Variants in SCN9A observed in about 807,000 individuals in gnomAD.
The protein encoded by SCN9A is sodium voltage-gated channel alpha subunit 9, also known as sodium channel protein type 9 subunit alpha.
A neutral mutation model predicts 187.0 loss-of-function variants in SCN9A; 131 were observed. That is an observed-to-expected ratio of 0.70 (90% CI 0.61 to 0.81). SCN9A has a LOEUF of 0.81. Ranked by LOEUF, SCN9A falls within the 30% of genes least tolerant of loss-of-function variation. SCN9A has a pLI of 0.00. For synonymous variants in SCN9A, 809 were observed against 808.6 expected (o/e 1.00, Z -0.01); for missense variants, 2,252 against 2,396.6 (o/e 0.94, Z 1.26).
intron 1 of SCN9A, among the ~76,000 whole-genome samples, chr2:166,357,605 G>A (rs547573283): frequency 1.2e-4 from 18 of 152,210 alleles, no homozygotes; most frequent in South Asian, 2.1e-4. Flanking sequence ...AAAGGAAGGC[G>A]GCACTCTGGT....
At position 166,204,063 on chromosome 2, in the gene SCN9A, T is replaced by G. The variant is rs1345955294; in HGVS notation, c.4666A>C (p.Ile1556Leu). The G allele has an allele frequency of 1.2e-6, 2 of 1,612,126 alleles. No homozygotes were observed. Among genetic ancestry groups the G allele is most frequent in the Non-Finnish European group, 1.7e-6 (2 of 1,178,788 alleles). Residue 1556 changes from isoleucine to leucine, a missense_variant, in exon 26 of 27, where the codon ATC (isoleucine) becomes CTC (leucine). By Grantham distance (5) the Ile-to-Leu change is conservative. Coordinates refer to ENST00000642356, the MANE Select transcript of SCN9A (RefSeq NM_001365536.1). ...AGCACACATTCTCCAGTGAAAAGGA[T>G]TATAAAAACCACATTTATCCAATAT... is the stretch of plus-strand genomic sequence containing the variant. ...VLYWINVVFI[I>L]LFTGECVLKL...
intron 1 of SCN9A, among the ~76,000 whole-genome samples, chr2:166,336,178 G>A (rs1297942031): frequency 6.6e-6 from 1 of 152,080 alleles, no homozygotes; most frequent in East Asian, 1.9e-4. Context: ...AAACCTGCTA[G>A]AAAGAGGATA....
In SCN9A at chr2:166,372,351, A is replaced by G. The variant is rs541591158; in HGVS notation, c.-51+3346T>C. Among the ~76,000 whole-genome samples the G allele has an allele frequency of 6.6e-5, 10 of 152,240 alleles. No homozygotes were observed. The East Asian group carries it at 1.7e-3, about 26-fold the overall frequency. On this transcript the variant is annotated intron_variant, in intron 1 of 26. Transcript: ENST00000642356. ...TATGGCCTCCGCCTCATCTGACTACATTTCTATCAACTGAGCTCACATAAG... is the reference window on the plus strand; with the variant it reads ...TATGGCCTCCGCCTCATCTGACTACGTTTCTATCAACTGAGCTCACATAAG...
Position 166,297,239 on chromosome 2 carries a change from C to CAGTAA in SCN9A, c.902-2582_902-2578dup, listed in dbSNP as rs1183580300. 6.1e-5 allele frequency among the ~76,000 whole-genome samples: 6 copies of CAGTAA among 98,788 alleles called. No individual in the cohort carries two copies. In the South Asian group the frequency reaches 1.7e-3, roughly 28 times the overall value. The allele number at this position is 98,788 out of a possible 152,430, so 64.8% of individuals were successfully genotyped here. A position where few individuals can be genotyped will look rare whatever the true frequency, so the allele number is the denominator to read the frequency against. ...AAAAAAAAAAAAAAGAACCATGACT[C>CAGTAA]AGTAATCCCACTACTAGGTATATAC... On this transcript the variant is annotated intron_variant, in intron 7 of 26. Coordinates refer to ENST00000642356, the MANE Select transcript of SCN9A (RefSeq NM_001365536.1).
chr2:166,349,993 AAAAT>A (rs911375174), intron 1 of SCN9A, among the ~76,000 whole-genome samples: 20 of 88,700 alleles, frequency 2.3e-4, no homozygotes, highest in African/African-American at 1.1e-3. Context: ...TAAAAAATAA[AAAAT>A]AAAAAATAAA....
Position 166,271,745 on chromosome 2 carries a change from C to A in SCN9A, c.3351+654G>T, listed in dbSNP as rs149665311. On this transcript the variant is annotated intron_variant, in intron 17 of 26. Coordinates refer to ENST00000642356, the MANE Select transcript of SCN9A (RefSeq NM_001365536.1). ...TTGTGGCATGGGTGTGTAGTCCCAG[C>A]AACTCAGGAGGTGGAGGCAGGAGGA... is the stretch of plus-strand genomic sequence containing the variant. Among the ~76,000 whole-genome samples the A allele has an allele frequency of 1.1e-3, 163 of 151,962 alleles. No homozygotes were observed. In the East Asian group the frequency reaches 0.024, roughly 22 times the overall value.
chr2:166,228,849 A>C lies in SCN9A; in HGVS notation c.4048T>G (p.Cys1350Gly). 1 of 1,613,876 alleles carries C rather than the reference A, an allele frequency of 6.2e-7. No individual in the cohort carries two copies. ...CGTGACCCATCTGTGGTGTTAATAC[A>C]CTCATAGAACTTGCCAGCAAACAAA... ...VNLFAGKFYECINTTDGSRFP... is the reference protein window; with the variant it reads ...VNLFAGKFYEGINTTDGSRFP... The change falls in exon 22 of 27, where the codon TGT (cysteine) becomes GGT (glycine). Residue 1350 changes from cysteine (C) to glycine (G), a missense_variant. By Grantham distance (159) the Cys-to-Gly change is radical (BLOSUM62 -3). Transcript: ENST00000642356.
At chr2:166,330,871 A>G (rs1030650120) in intron 1 of SCN9A, among the ~76,000 whole-genome samples, 1 of 152,136 alleles carries the variant, frequency 6.6e-6, no homozygotes, top group Non-Finnish European at 1.5e-5. Context: ...CTGGTTCCTA[A>G]CAGGCCATGG....
chr2:166,338,035 G>A (rs1380872415), intron 1 of SCN9A, among the ~76,000 whole-genome samples: 18 of 152,106 alleles, frequency 1.2e-4, no homozygotes, highest in Admixed American at 1.2e-3. Flanking sequence ...ACTCTTCCCA[G>A]GATACAAGAG....
At chr2:166,233,608 G>A in intron 20 of SCN9A, 146 bp from the exon 21 acceptor site, 6 of 474,876 alleles carry the variant, frequency 1.3e-5, no homozygotes, top group East Asian at 3.8e-5. Context: ...CTAAAAATAG[G>A]GTAAGATGGA....
chr2:166,272,503 G>A lies in SCN9A; in HGVS notation c.3247C>T (p.Pro1083Ser), dbSNP rs199815092. 6.2e-7 allele frequency: 1 copy of A among 1,613,260 alleles called. No homozygotes were observed. Among genetic ancestry groups the A allele is most frequent in the Non-Finnish European group, 8.5e-7 (1 of 1,179,616 alleles). Residue 1083 changes from proline (P) to serine (S), a missense_variant, in exon 17 of 27, where the codon CCC (proline) becomes TCC (serine). Pro to Ser is a moderately conservative substitution (Grantham distance 74). Transcript: ENST00000642356. Reference sequence around the variant, plus strand: ...ATTGGCACTGTCACTGTGAGGCTGGGATTGTGAATAAATGATTGACCATCA... The same window carrying A: ...ATTGGCACTGTCACTGTGAGGCTGGAATTGTGAATAAATGATTGACCATCA... ...DSDGQSFIHNPSLTVTVPIAP... is the reference protein window; with the variant it reads ...DSDGQSFIHNSSLTVTVPIAP...
intron 17 of SCN9A, chr2:166,259,285 C>T (rs926579000): frequency 2.0e-5 from 3 of 151,528 alleles, no homozygotes; most frequent in African/African-American, 4.8e-5. Flanking sequence ...TTTGATATTA[C>T]CCCTGTGAGA....
At position 166,281,816 on chromosome 2, in the gene SCN9A, A is replaced by T. The variant is rs752961542; in HGVS notation, c.1975-8T>A. 10 of 1,599,196 alleles carry T rather than the reference A, an allele frequency of 6.3e-6. No homozygotes were observed. Among genetic ancestry groups the T allele is most frequent in the African/African-American group, 5.4e-5 (4 of 73,884 alleles). On this transcript the variant is annotated splice_region_variant and splice_polypyrimidine_tract_variant and intron_variant, in intron 12 of 26. Coordinates refer to ENST00000642356, the MANE Select transcript of SCN9A (RefSeq NM_001365536.1). Reference sequence around the variant, plus strand: ...TATTTGATTGGTCGTGCCCTAAAAAAAAAATCAATTAATGTCTTAAGAACA... The same window carrying T: ...TATTTGATTGGTCGTGCCCTAAAAATAAAATCAATTAATGTCTTAAGAACA...
At position 166,303,322 on chromosome 2, in the gene SCN9A, G is replaced by C. The variant is rs112644902; in HGVS notation, c.689-20C>G. ...TCAGGCCTGAAAATGGGAGAAAAAA[G>C]TGTTTGTAATGACATAAAGCCTCTG... On this transcript the variant is annotated intron_variant, in intron 6 of 26. Coordinates refer to ENST00000642356, the MANE Select transcript of SCN9A (RefSeq NM_001365536.1). The C allele has an allele frequency of 2.2e-4, 344 of 1,599,014 alleles. 1 individual carries two copies. The African/African-American group carries it at 4.3e-3, about 20-fold the overall frequency.
At chr2:166,352,245 A>T (rs997824037) in intron 1 of SCN9A, among the ~76,000 whole-genome samples, 4 of 152,214 alleles carry the variant, frequency 2.6e-5, no homozygotes, top group Admixed American at 6.5e-5. Context: ...TCATGGATTT[A>T]TCTGACTTAT....
intron 21 of SCN9A, among the ~76,000 whole-genome samples, chr2:166,233,034 A>G (rs188168217): frequency 6.8e-6 from 1 of 147,268 alleles, no homozygotes; most frequent in African/African-American, 2.5e-5. Flanking sequence ...ATGCATATAT[A>G]CTATTAGTAT....
intron 1 of SCN9A, among the ~76,000 whole-genome samples, chr2:166,355,298 TATATC>T (rs1483634703): frequency 1.3e-5 from 2 of 152,114 alleles, no homozygotes; most frequent in African/African-American, 4.8e-5. Context: ...TATAAAAATG[TATATC>T]ATTTTTAGCA....
intron 12 of SCN9A, 21 bp downstream of exon 12, chr2:166,284,432 A>T (rs760340516): frequency 1.3e-6 from 2 of 1,585,108 alleles, no homozygotes; most frequent in South Asian, 2.3e-5. Flanking sequence ...GCCATGCCTG[A>T]GCTATGTAAA....
intron 1 of SCN9A, among the ~76,000 whole-genome samples, chr2:166,342,715 A>G (rs6744871): frequency 0.073 from 11,151 of 152,198 alleles, 1,240 homozygotes; most frequent in African/African-American, 0.24. Context: ...AAAAATATAC[A>G]CAAAATTGAA....
Sources: gnomAD v4.1 joint callset for allele counts (sites outside exome capture counted in the v4.1 genomes callset) on GRCh38, gnomAD v4.1.1 for gene constraint, MANE v1.5 for transcripts, NCBI Gene and HGNC (gene_info 2026-07-23, HGNC 2026-07-21) for gene names.